The following AKAP6 variants were observed in gnomAD, a reference collection of about 807,000 sequenced individuals.
The protein encoded by AKAP6 is A-kinase anchor protein 6.
A neutral mutation model predicts 188.5 loss-of-function variants in AKAP6; 58 were observed. The observed-to-expected ratio is 0.31, with a 90% CI of 0.25 to 0.38. AKAP6 has a LOEUF of 0.38. Among genes scored for constraint, AKAP6 ranks in the 10% least tolerant of loss-of-function variants. The pLI, the probability that AKAP6 is intolerant of heterozygous loss-of-function variation, is 1.00. For missense variants in AKAP6, 2,710 were observed against 2,740.0 expected (o/e 0.99, Z 0.24); for synonymous variants, 989 against 998.6 (o/e 0.99, Z 0.18).
At chr14:32,805,228 G>C (rs562494279) in intron 12 of AKAP6, among the ~76,000 whole-genome samples, 1 of 152,126 alleles carries the variant, frequency 6.6e-6, no homozygotes, top group East Asian at 1.9e-4. Flanking sequence ...CTCCTGCCTG[G>C]TCCCTCTGTT....
intron 11 of AKAP6, among the ~76,000 whole-genome samples, chr14:32,757,170 T>C (rs1271895028): frequency 6.6e-6 from 1 of 152,194 alleles, no homozygotes; most frequent in Non-Finnish European, 1.5e-5. Context: ...TTTCAATACA[T>C]CTTTTCTTGT....
intron 12 of AKAP6, among the ~76,000 whole-genome samples, chr14:32,800,430 G>T (rs890093189): frequency 1.2e-4 from 18 of 151,676 alleles, no homozygotes; most frequent in Non-Finnish European, 4.4e-5. Flanking sequence ...GCAATATTGA[G>T]CAATAATAAT....
At chr14:32,730,192 C>T (rs947516365) in intron 9 of AKAP6, among the ~76,000 whole-genome samples, 1 of 151,996 alleles carries the variant, frequency 6.6e-6, no homozygotes, top group African/African-American at 2.4e-5. Context: ...CATTTTAGTA[C>T]CTTTCATCCA....
chr14:32,788,354 G>T (rs1302676703), intron 12 of AKAP6, among the ~76,000 whole-genome samples: 1 of 152,194 alleles, frequency 6.6e-6, no homozygotes, highest in African/African-American at 2.4e-5. Context: ...AACCCTAGAA[G>T]GGAGGTTCAA....
chr14:32,638,641 TTTTC>T (rs1425733880), intron 7 of AKAP6, among the ~76,000 whole-genome samples: 2 of 152,060 alleles, frequency 1.3e-5, no homozygotes, highest in African/African-American at 2.4e-5. Context: ...TTCTTTCTTT[TTTTC>T]TTTCTCTTTC....
intron 2 of AKAP6, among the ~76,000 whole-genome samples, chr14:32,437,149 G>A (rs145070092): frequency 3.6e-4 from 55 of 152,144 alleles, no homozygotes; most frequent in East Asian, 1.6e-3. Context: ...TTCCTTCTGC[G>A]GAGAAGCTCT....
chr14:32,641,090 C>T (rs543771260), intron 7 of AKAP6, among the ~76,000 whole-genome samples: 68 of 152,012 alleles, frequency 4.5e-4, no homozygotes, highest in Non-Finnish European at 8.4e-4. Flanking sequence ...TGCTCTTCTA[C>T]TCTCTGGAAG....
intron 13 of AKAP6, among the ~76,000 whole-genome samples, chr14:32,826,677 T>G (rs142047697): frequency 6.6e-5 from 10 of 152,330 alleles, no homozygotes; most frequent in African/African-American, 2.2e-4. Flanking sequence ...TGGGAATTTC[T>G]TCTCTCTCTT....
At chr14:32,608,023 A>G (rs1489259083) in intron 7 of AKAP6, among the ~76,000 whole-genome samples, 2 of 152,204 alleles carry the variant, frequency 1.3e-5, no homozygotes, top group Non-Finnish European at 2.9e-5. Flanking sequence ...ATCGAATCCA[A>G]TAGAAAATAG....
At chr14:32,808,982 G>A (rs972070818) in intron 12 of AKAP6, among the ~76,000 whole-genome samples, 1 of 152,208 alleles carries the variant, frequency 6.6e-6, no homozygotes, top group African/African-American at 2.4e-5. Context: ...CACATCATAA[G>A]TCTTCACTCT....
intron 9 of AKAP6, among the ~76,000 whole-genome samples, chr14:32,716,413 A>G (rs1048319700): frequency 6.6e-6 from 1 of 151,404 alleles, no homozygotes; most frequent in African/African-American, 2.4e-5. Flanking sequence ...GTGCAAAAGT[A>G]ATTGGGATTT....
rs28854880 is a variant in AKAP6, at chr14:32,795,976, T to C, written c.3588+22083T>C. On this transcript the variant is annotated intron_variant, in intron 12 of 13. Coordinates refer to ENST00000280979, the MANE Select transcript of AKAP6 (RefSeq NM_004274.5). ...AATTTGCAAAAATTGCTAGCATTTCTATATACCAACAACAGGTAAGCAGAT... is the reference window on the plus strand; with the variant it reads ...AATTTGCAAAAATTGCTAGCATTTCCATATACCAACAACAGGTAAGCAGAT... 4.7e-3 allele frequency among the ~76,000 whole-genome samples: 722 copies of C among 152,318 alleles called. 9 individuals carry two copies. The highest frequency in any genetic ancestry group is 0.016 in the African/African-American group (681 of 41,570).
intron 8 of AKAP6, among the ~76,000 whole-genome samples, chr14:32,690,492 A>G (rs1378167058): frequency 2.0e-5 from 3 of 152,128 alleles, no homozygotes; most frequent in Non-Finnish European, 4.4e-5. Flanking sequence ...ATTACCATCA[A>G]ATCTGCAGAA....
chr14:32,467,375 A>G (rs1878523855), intron 2 of AKAP6, among the ~76,000 whole-genome samples: 1 of 152,134 alleles, frequency 6.6e-6, no homozygotes, highest in Admixed American at 6.5e-5. Context: ...AATACCTGTT[A>G]TTGCTGGGTG....
At chr14:32,479,962 C>A (rs569324266) in intron 2 of AKAP6, among the ~76,000 whole-genome samples, 1 of 152,292 alleles carries the variant, frequency 6.6e-6, no homozygotes, top group African/African-American at 2.4e-5. Context: ...GATTACAAAT[C>A]TTTACCTTCC....
intron 8 of AKAP6, among the ~76,000 whole-genome samples, chr14:32,689,818 A>G (rs898111298): frequency 6.6e-6 from 1 of 152,000 alleles, no homozygotes; most frequent in Non-Finnish European, 1.5e-5. Context: ...TATTTTTGCA[A>G]GATTTTGTTA....
intron 2 of AKAP6, among the ~76,000 whole-genome samples, chr14:32,473,285 T>G (rs1186395826): frequency 1.3e-5 from 2 of 152,224 alleles, no homozygotes; most frequent in African/African-American, 4.8e-5. Context: ...CATAGTGCTG[T>G]GCAGGAAGCC....
chr14:32,810,699 A>G (rs2034202463), intron 12 of AKAP6, among the ~76,000 whole-genome samples: 1 of 152,190 alleles, frequency 6.6e-6, no homozygotes, highest in Admixed American at 6.5e-5. Flanking sequence ...AGGGGACTCA[A>G]CAGAGGTGTT....
chr14:32,602,707 T>C (rs1566599341), intron 7 of AKAP6, among the ~76,000 whole-genome samples: 1 of 152,228 alleles, frequency 6.6e-6, no homozygotes, highest in Non-Finnish European at 1.5e-5. Flanking sequence ...AGCACTTCTG[T>C]ATTATGTCAT....
Sources: allele counts gnomAD v4.1 joint callset (sites outside exome capture counted in the v4.1 genomes callset), GRCh38; gene constraint gnomAD v4.1.1; transcripts MANE v1.5; gene names NCBI Gene and HGNC (gene_info 2026-07-23, HGNC 2026-07-21).